YME1L1: variants seen among roughly 807,000 people sequenced by gnomAD.
YME1L1 encodes ATP-dependent zinc metalloprotease YME1L1.
A neutral mutation model predicts 90.4 loss-of-function variants in YME1L1; 39 were observed. The observed-to-expected ratio is 0.43, with a 90% CI of 0.33 to 0.56. YME1L1 has a LOEUF of 0.56. Among genes scored for constraint, YME1L1 ranks in the 20% least tolerant of loss-of-function variants. The pLI is 0.03. For synonymous variants in YME1L1, 284 were observed against 287.3 expected (o/e 0.99, Z 0.12); for missense variants, 617 against 868.4 (o/e 0.71, Z 3.64).
rs778986210 is a variant in YME1L1, at chr10:27,134,036, T to C, written c.775+3A>G. The C allele has an allele frequency of 7.5e-6, 12 of 1,602,214 alleles. No homozygotes were observed. The highest frequency in any genetic ancestry group is 9.4e-6 in the Non-Finnish European group (11 of 1,172,648). Reference sequence around the variant, plus strand: ...AAGTTAGACAAATAAAAAAAGCTTTTACCAGATAAAAATGGGTTTTTTAGA... The same window carrying C: ...AAGTTAGACAAATAAAAAAAGCTTTCACCAGATAAAAATGGGTTTTTTAGA... On this transcript the variant is annotated splice_donor_region_variant and intron_variant, in intron 7 of 18. Coordinates refer to ENST00000376016, the MANE Select transcript of YME1L1 (RefSeq NM_014263.4).
intron 12 of YME1L1, among the ~76,000 whole-genome samples, chr10:27,120,861 C>T (rs1203677144): frequency 1.3e-5 from 2 of 152,142 alleles, no homozygotes; most frequent in African/African-American, 4.8e-5. Flanking sequence ...ACCACACATC[C>T]ATCTCAACTG....
Position 27,119,356 on chromosome 10 carries a change from A to G in YME1L1, c.1505T>C (p.Val502Ala), listed in dbSNP as rs777108934. The G allele has an allele frequency of 6.2e-7, 1 of 1,613,866 alleles. No homozygotes were observed. The highest frequency in any genetic ancestry group is 1.1e-5 in the South Asian group (1 of 91,044). The change falls in exon 14 of 19, where the codon GTT becomes GCT. Residue 502 changes from valine (V) to alanine (A), a missense_variant. By Grantham distance (64) the Val-to-Ala change is moderately conservative. Transcript: ENST00000376016. ...CATGGTAACCATTTCTTTTCCATCAACAGCTGCTTTTAATGCAGCCTGGTT... is the reference window on the plus strand; with the variant it reads ...CATGGTAACCATTTCTTTTCCATCAGCAGCTGCTTTTAATGCAGCCTGGTT... ...LVNQAALKAA[V>A]DGKEMVTMKE...
intron 4 of YME1L1, among the ~76,000 whole-genome samples, chr10:27,139,316 C>A (rs2057061774): frequency 6.6e-6 from 1 of 152,060 alleles, no homozygotes; most frequent in Admixed American, 6.6e-5. Context: ...ACCTCAGCCT[C>A]CCAAGTATCC....
chr10:27,151,648 G>A (rs1278750856), intron 1 of YME1L1, among the ~76,000 whole-genome samples: 6 of 152,154 alleles, frequency 3.9e-5, no homozygotes, highest in East Asian at 1.9e-4. Flanking sequence ...CTGGGAGGCC[G>A]AGGCGGACGG....
chr10:27,121,522 A>C, intron 11 of YME1L1, 74 bp from the exon 12 acceptor site: 1 of 1,120,554 alleles, frequency 8.9e-7, no homozygotes, highest in Non-Finnish European at 1.3e-6. Context: ...TCTACACAAA[A>C]CTGGTTTGTT....
At chr10:27,150,927 T>A (rs1376453773) in intron 1 of YME1L1, among the ~76,000 whole-genome samples, 1 of 119,448 alleles carries the variant, frequency 8.4e-6, no homozygotes, top group Non-Finnish European at 1.5e-5. Flanking sequence ...CGCCTTTTTT[T>A]TTTTTTTTTT....
intron 15 of YME1L1, among the ~76,000 whole-genome samples, chr10:27,116,799 G>C (rs994494522): frequency 6.6e-6 from 1 of 151,948 alleles, no homozygotes; most frequent in African/African-American, 2.4e-5. Context: ...AGGCTGAGGT[G>C]TGAGGATCAC....
At chr10:27,142,130 G>T (rs2057094395) in intron 4 of YME1L1, among the ~76,000 whole-genome samples, 4 of 151,998 alleles carry the variant, frequency 2.6e-5, no homozygotes, top group Admixed American at 2.6e-4. Context: ...AATGTGGTTA[G>T]TCATTTATCT....
At chr10:27,121,476 T>C (rs771528492) in intron 11 of YME1L1, 28 bp from the exon 12 acceptor site, 2 of 1,455,810 alleles carry the variant, frequency 1.4e-6, no homozygotes, top group South Asian at 2.3e-5. Context: ...TAGTATCTTT[T>C]ACTAACACTG....
At position 27,125,641 on chromosome 10, in the gene YME1L1, A is replaced by ATTTTTT. The variant is rs199852948; in HGVS notation, c.949+1049_949+1054dup. ...GTTTTGTATGTATGTTAAATGTCCTATTTTTTTTTTTTTTTTGAGACAGAA... is the reference window on the plus strand; with the variant it reads ...GTTTTGTATGTATGTTAAATGTCCTATTTTTTTTTTTTTTTTTTTTTTGAGACAGAA... On this transcript the variant is annotated intron_variant, in intron 9 of 18. Coordinates refer to ENST00000376016, the MANE Select transcript of YME1L1 (RefSeq NM_014263.4). Among the ~76,000 whole-genome samples, 767 of 134,158 alleles carry ATTTTTT rather than the reference A, an allele frequency of 5.7e-3. 12 individuals carry two copies. Among genetic ancestry groups the ATTTTTT allele is most frequent in the African/African-American group, 0.019 (698 of 36,322 alleles). The allele number at this position is 134,158 out of a possible 152,430, so 88.0% of individuals were successfully genotyped here. A position where few individuals can be genotyped will look rare whatever the true frequency, so the allele number is the denominator to read the frequency against.
At chr10:27,147,137 T>C in intron 2 of YME1L1, 1 of 482,986 alleles carries the variant, frequency 2.1e-6, no homozygotes, top group East Asian at 3.2e-5. Context: ...AGAGCCATGT[T>C]TGAATTTAAT....
At chr10:27,126,629 GT>G (rs888278122) in intron 9 of YME1L1, 66 bp downstream of exon 9, 62 of 842,354 alleles carry the variant, frequency 7.4e-5, no homozygotes, top group Middle Eastern at 3.6e-4. Context: ...AGTAATATAG[GT>G]TTTTTTTGTT....
At chr10:27,151,660 T>C (rs1012478732) in intron 1 of YME1L1, among the ~76,000 whole-genome samples, 4 of 151,698 alleles carry the variant, frequency 2.6e-5, no homozygotes, top group African/African-American at 9.7e-5. Flanking sequence ...GGCGGACGGA[T>C]CACAAGGTCA....
At chr10:27,120,647 G>A in intron 12 of YME1L1, 100 bp from the exon 13 acceptor site, 1 of 829,688 alleles carries the variant, frequency 1.2e-6, no homozygotes, top group Non-Finnish European at 1.9e-6. Context: ...GCCAATGGCA[G>A]CCAGAGCGCA....
chr10:27,152,125 T>C (rs1413000005), intron 1 of YME1L1, among the ~76,000 whole-genome samples: 1 of 151,254 alleles, frequency 6.6e-6, no homozygotes, highest in Non-Finnish European at 1.5e-5. Context: ...CTGGGGGCAG[T>C]AAAAAGAAAA....
intron 8 of YME1L1, among the ~76,000 whole-genome samples, chr10:27,131,563 T>G (rs2056977793): frequency 6.6e-6 from 1 of 152,190 alleles, no homozygotes; most frequent in Non-Finnish European, 1.5e-5. Context: ...AGTAATTTCT[T>G]CAAGGTCTCA....
At chr10:27,137,389 ATTAT>A (rs2057040360) in intron 4 of YME1L1, among the ~76,000 whole-genome samples, 1 of 152,170 alleles carries the variant, frequency 6.6e-6, no homozygotes, top group African/African-American at 2.4e-5. Context: ...TTCCCTGAAC[ATTAT>A]TTGTTTTCTG....
At chr10:27,154,157 T>A (rs1459281277) in intron 1 of YME1L1, 21 bp downstream of exon 1, 7 of 1,581,742 alleles carry the variant, frequency 4.4e-6, no homozygotes, top group Non-Finnish European at 6.0e-6. Context: ...GGAAAAAAAA[T>A]GGGCTGAATG....
chr10:27,118,118 T>C (rs1459517012), intron 14 of YME1L1, among the ~76,000 whole-genome samples: 1 of 152,146 alleles, frequency 6.6e-6, no homozygotes, highest in East Asian at 1.9e-4. Flanking sequence ...GGTGAATGTA[T>C]CTGATATGGG....
Sources: gnomAD v4.1 joint callset for allele counts (sites outside exome capture counted in the v4.1 genomes callset) on GRCh38, gnomAD v4.1.1 for gene constraint, MANE v1.5 for transcripts, NCBI Gene and HGNC (gene_info 2026-07-23, HGNC 2026-07-21) for gene names.